Variants in FAM184A observed in about 807,000 individuals in gnomAD.
FAM184A encodes the protein family with sequence similarity 184 member A.
Under a neutral mutation model 143.8 loss-of-function variants are expected in FAM184A, and 99 were observed. That is an observed-to-expected ratio of 0.69 (90% CI 0.58 to 0.81). The LOEUF (loss-of-function observed/expected upper bound fraction) is 0.81, where lower values mean the gene tolerates loss of function less well. FAM184A is among the 40% of genes least tolerant of loss of function. FAM184A has a pLI of 0.00. For synonymous variants in FAM184A, 427 were observed against 446.4 expected, an observed-to-expected ratio of 0.96 and a Z score of 0.55; for missense variants, 1,217 against 1,310.5, an observed-to-expected ratio of 0.93 and a Z score of 1.10.
chr6:119,088,733 G>T (rs1194767549), intron 1 of FAM184A, among the ~76,000 whole-genome samples: 2 of 152,188 alleles, frequency 1.3e-5, no homozygotes, highest in Non-Finnish European at 2.9e-5. Context: ...ATAGAGCAAG[G>T]TATAAGGGAC....
intron 1 of FAM184A, among the ~76,000 whole-genome samples, chr6:119,053,626 A>T (rs1379385041): frequency 6.6e-6 from 1 of 152,186 alleles, no homozygotes; most frequent in Non-Finnish European, 1.5e-5. Flanking sequence ...ATGTAGTATA[A>T]GAATCACTAA....
chr6:119,085,767 G>C (rs1788202457), intron 1 of FAM184A, among the ~76,000 whole-genome samples: 1 of 152,236 alleles, frequency 6.6e-6, no homozygotes, highest in African/African-American at 2.4e-5. Context: ...AGGATGCAGA[G>C]GACGCATAGA....
At chr6:119,094,646 G>T (rs897407149) in intron 1 of FAM184A, among the ~76,000 whole-genome samples, 1 of 152,246 alleles carries the variant, frequency 6.6e-6, no homozygotes, top group South Asian at 2.1e-4. Context: ...GTCTTAGTTT[G>T]GGTCCACCCA....
intron 16 of FAM184A, 82 bp from the exon 17 acceptor site, chr6:118,962,045 G>A: frequency 7.0e-7 from 1 of 1,424,330 alleles, no homozygotes. Flanking sequence ...ATAGAAATTT[G>A]GCATGGGAAA....
chr6:119,024,594 T>C lies in FAM184A; in HGVS notation c.379A>G (p.Thr127Ala). 1 of 1,614,180 alleles carries C rather than the reference T, an allele frequency of 6.2e-7. No homozygotes were observed. The highest frequency in any genetic ancestry group is 1.1e-5 in the South Asian group (1 of 91,080). ...DHIKMKQQAL[T>A]EFEAYKHRVE... ...CTGTGCTTATAAGCTTCAAATTCTG[T>C]CAAAGCCTGCTGCTTCATTTTTATG... Residue 127 changes from threonine to alanine, a missense_variant, in exon 2 of 18, where the codon ACA becomes GCA. Coordinates refer to ENST00000338891, the MANE Select transcript of FAM184A (RefSeq NM_024581.6).
intron 11 of FAM184A, 76 bp from the exon 12 acceptor site, chr6:118,976,120 T>TA (rs1783839004): frequency 7.1e-7 from 1 of 1,417,132 alleles, no homozygotes; most frequent in African/African-American, 1.5e-5. Context: ...ATTATAGAAG[T>TA]AAAAAATTAT....
chr6:118,989,606 GATTA>G (rs1453947626), intron 9 of FAM184A, among the ~76,000 whole-genome samples: 2 of 116,350 alleles, frequency 1.7e-5, no homozygotes, highest in Non-Finnish European at 4.2e-5. Flanking sequence ...GAGATAAAAA[GATTA>G]ATTTTCTATG....
chr6:119,022,933 G>C lies in FAM184A; in HGVS notation c.1150+12C>G, dbSNP rs764517046. 51 of 1,612,872 alleles carry C rather than the reference G, an allele frequency of 3.2e-5. No individual in the cohort carries two copies. The highest frequency in any genetic ancestry group is 6.7e-5 in the African/African-American group (5 of 74,870). ...AGCTAAGCATTACATCAAAAACTGTGGTCACACATACTAGCTTTGAGGACA... is the reference window on the plus strand; with the variant it reads ...AGCTAAGCATTACATCAAAAACTGTCGTCACACATACTAGCTTTGAGGACA... On this transcript the variant is annotated intron_variant, in intron 3 of 17. Coordinates refer to ENST00000338891, the MANE Select transcript of FAM184A (RefSeq NM_024581.6).
intron 1 of FAM184A, among the ~76,000 whole-genome samples, chr6:119,057,568 C>T (rs529319123): frequency 3.9e-5 from 6 of 152,082 alleles, no homozygotes; most frequent in Admixed American, 2.6e-4. Flanking sequence ...GTGAGACCCC[C>T]AACTGTACAA....
At chr6:118,964,889 T>C (rs567861181) in intron 15 of FAM184A, 118 bp from the exon 16 acceptor site, 3 of 589,608 alleles carry the variant, frequency 5.1e-6, no homozygotes, top group Non-Finnish European at 8.8e-6. Flanking sequence ...AAGATTTAGA[T>C]ACTTTGTTTA....
intron 9 of FAM184A, among the ~76,000 whole-genome samples, chr6:118,983,954 G>C (rs1313517013): frequency 2.0e-5 from 3 of 151,222 alleles, no homozygotes; most frequent in Non-Finnish European, 4.4e-5. Context: ...TTTGAGACCG[G>C]CCTGGCCAAC....
chr6:119,030,272 C>A (rs1785819421), intron 1 of FAM184A, among the ~76,000 whole-genome samples: 1 of 152,034 alleles, frequency 6.6e-6, no homozygotes, highest in Non-Finnish European at 1.5e-5. Flanking sequence ...TTGAAATACA[C>A]CACTACTAAC....
intron 1 of FAM184A, among the ~76,000 whole-genome samples, chr6:119,127,152 C>T (rs808038): frequency 0.91 from 138,982 of 152,306 alleles, 63,473 homozygotes; most frequent in East Asian, 1. Context: ...GTTCCAGGCT[C>T]GAGGGTGGGG....
At chr6:119,063,170 A>G (rs900357294) in intron 1 of FAM184A, among the ~76,000 whole-genome samples, 1 of 152,248 alleles carries the variant, frequency 6.6e-6, no homozygotes, top group African/African-American at 2.4e-5. Flanking sequence ...AGATGATAAA[A>G]TATGCAAAAA....
chr6:119,034,814 A>G (rs1249974125), intron 1 of FAM184A, among the ~76,000 whole-genome samples: 1 of 152,174 alleles, frequency 6.6e-6, no homozygotes, highest in African/African-American at 2.4e-5. Flanking sequence ...GGCTTTTCCT[A>G]TACTACCTTT....
At position 119,015,467 on chromosome 6, in the gene FAM184A, G is replaced by A. The variant is rs569391625; in HGVS notation, c.1530+1280C>T. Among the ~76,000 whole-genome samples the A allele has an allele frequency of 1.2e-4, 18 of 152,310 alleles. No individual in the cohort carries two copies. The South Asian group carries it at 1.2e-3, about 11-fold the overall frequency. On this transcript the variant is annotated intron_variant, in intron 5 of 17. Coordinates refer to ENST00000338891, the MANE Select transcript of FAM184A (RefSeq NM_024581.6). ...CCGGGCAGTGAGGGGCTTAGCACCC[G>A]GGCCAGCGGCTGCGGAGGGTGTACT...
At chr6:119,104,351 C>T (rs7769095) in intron 1 of FAM184A, among the ~76,000 whole-genome samples, 96,641 of 152,116 alleles carry the variant, frequency 0.64, 31,372 homozygotes, top group East Asian at 0.96. Context: ...CAAATGCCAC[C>T]GCAAGAAAAA....
chr6:119,084,833 A>G (rs1179059747), intron 1 of FAM184A, among the ~76,000 whole-genome samples: 1 of 152,224 alleles, frequency 6.6e-6, no homozygotes, highest in Non-Finnish European at 1.5e-5. Flanking sequence ...GCACATCCGC[A>G]GGCTTCATAC....
rs1562478684 is a variant in FAM184A at position 119,024,494 on chromosome 6, TCTTCGA to T, written c.473_478del (p.Val158_Glu159del). 6.2e-7 allele frequency: 1 copy of T among 1,613,596 alleles called. No individual in the cohort carries two copies. Among genetic ancestry groups the T allele is most frequent in the Admixed American group, 1.7e-5 (1 of 59,868 alleles). On this transcript the variant is annotated inframe_deletion, in exon 2 of 18. Coordinates refer to ENST00000338891, the MANE Select transcript of FAM184A (RefSeq NM_024581.6). ...TTTTTCTTCAAATTTCCTTCTAATC[TCTTCGA>T]CTTCTCTAGACATGGTCACTATGCG...
Sources: gnomAD v4.1 joint callset for allele counts (sites outside exome capture counted in the v4.1 genomes callset) on GRCh38, gnomAD v4.1.1 for gene constraint, MANE v1.5 for transcripts, NCBI Gene and HGNC (gene_info 2026-07-23, HGNC 2026-07-21) for gene names.